Variants in HIP1 observed in about 807,000 individuals in gnomAD.
HIP1 encodes huntingtin-interacting protein 1.
In HIP1, 65 loss-of-function variants were observed where a neutral mutation model predicts 147.6. That is an observed-to-expected ratio of 0.44 (90% CI 0.36 to 0.54). The LOEUF (loss-of-function observed/expected upper bound fraction) is 0.54, where lower values mean the gene tolerates loss of function less well. Among genes scored for constraint, HIP1 ranks in the 20% least tolerant of loss-of-function variants. HIP1 has a pLI of 0.00. For synonymous variants in HIP1, 479 were observed against 504.0 expected (o/e 0.95, Z 0.67); for missense variants, 1,061 against 1,299.6 (o/e 0.82, Z 2.82).
chr7:75,564,032 C>T (rs1795322346), intron 9 of HIP1, among the ~76,000 whole-genome samples: 1 of 152,066 alleles, frequency 6.6e-6, no homozygotes, highest in South Asian at 2.1e-4. Flanking sequence ...GCTAGAATTA[C>T]AGGGATGCAC....
At chr7:75,572,810 G>A (rs1465603277) in intron 8 of HIP1, among the ~76,000 whole-genome samples, 1 of 152,128 alleles carries the variant, frequency 6.6e-6, no homozygotes, top group Non-Finnish European at 1.5e-5. Context: ...CCACTCCATG[G>A]AGTGGGTGGC....
intron 1 of HIP1, among the ~76,000 whole-genome samples, chr7:75,718,597 C>T (rs1801393403): frequency 6.6e-6 from 1 of 152,182 alleles, no homozygotes; most frequent in Admixed American, 6.5e-5. Flanking sequence ...GACTTGGAGC[C>T]AACGTTCTTC....
Position 75,534,807 on chromosome 7 carries a change from T to G in HIP1, c.*3365A>C, listed in dbSNP as rs587678659. The G allele has an allele frequency of 5.0e-6, 1 of 198,580 alleles. No individual in the cohort carries two copies. The highest frequency in any genetic ancestry group is 1.9e-4 in the South Asian group (1 of 5,240). The allele number at this position is 198,580 out of a possible 1,614,324, so 12.3% of individuals were successfully genotyped here. A position where few individuals can be genotyped will look rare whatever the true frequency, so the allele number is the denominator to read the frequency against. On this transcript the variant is annotated 3_prime_UTR_variant, in exon 31 of 31. Coordinates refer to ENST00000336926, the MANE Select transcript of HIP1 (RefSeq NM_005338.7). The stretch of plus-strand genomic sequence containing the variant: ...CTGTCTTACAAACTTAAGTAACAGA[T>G]GCAGCTGTTTTTTAACTTCTTGTCG...
At chr7:75,642,833 A>G (rs188653688) in intron 1 of HIP1, among the ~76,000 whole-genome samples, 6 of 152,250 alleles carry the variant, frequency 3.9e-5, no homozygotes, top group Admixed American at 3.3e-4. Context: ...TTTCCCTAGG[A>G]TGGGAGGGTC....
intron 1 of HIP1, among the ~76,000 whole-genome samples, chr7:75,688,921 C>A (rs968543582): frequency 2.6e-5 from 4 of 152,178 alleles, no homozygotes; most frequent in African/African-American, 9.6e-5. Flanking sequence ...GGCTCAGGTC[C>A]ACCCTGCAGC....
At chr7:75,631,946 T>G (rs1376705498) in intron 1 of HIP1, among the ~76,000 whole-genome samples, 2 of 151,620 alleles carry the variant, frequency 1.3e-5, no homozygotes, top group Non-Finnish European at 2.9e-5. Flanking sequence ...GGAGAGATAG[T>G]GTGATGGGGG....
chr7:75,669,116 A>G (rs1315931235), intron 1 of HIP1, among the ~76,000 whole-genome samples: 2 of 152,180 alleles, frequency 1.3e-5, no homozygotes, highest in African/African-American at 4.8e-5. Context: ...CTGTAATCCC[A>G]GCACTTTGGG....
intron 29 of HIP1, among the ~76,000 whole-genome samples, chr7:75,541,208 A>G (rs1475465076): frequency 6.6e-6 from 1 of 152,152 alleles, no homozygotes; most frequent in Non-Finnish European, 1.5e-5. Context: ...CAGCCTGGCC[A>G]GCATGGTGAA....
At chr7:75,584,573 C>A (rs587712025) in intron 5 of HIP1, among the ~76,000 whole-genome samples, 1 of 152,096 alleles carries the variant, frequency 6.6e-6, no homozygotes, top group Non-Finnish European at 1.5e-5. Flanking sequence ...CCCACGTGAC[C>A]ATTCCCTTCT....
At chr7:75,688,117 TCTC>T (rs1423836442) in intron 1 of HIP1, among the ~76,000 whole-genome samples, 1 of 152,092 alleles carries the variant, frequency 6.6e-6, no homozygotes, top group Non-Finnish European at 1.5e-5. Context: ...TAGGAGTCTC[TCTC>T]CTCCACTAAA....
At chr7:75,572,519 C>T (rs781838310) in intron 8 of HIP1, among the ~76,000 whole-genome samples, 1 of 152,172 alleles carries the variant, frequency 6.6e-6, no homozygotes, top group Non-Finnish European at 1.5e-5. Flanking sequence ...GTGACGTGCT[C>T]AAGCTAGAGG....
rs112336408 is a variant in HIP1 at position 75,599,263 on chromosome 7, G to A, written c.121-16C>T. ...TGCTGACAGTCTGAAAAACAAGAAG[G>A]GGGGAGGGAAAGGAGGATGAGATGA... On this transcript the variant is annotated splice_polypyrimidine_tract_variant and intron_variant, in intron 1 of 30. Transcript: ENST00000336926. 62 of 1,600,654 alleles carry A rather than the reference G, an allele frequency of 3.9e-5. No individual in the cohort carries two copies. Among genetic ancestry groups the A allele is most frequent in the Admixed American group, 1.5e-4 (9 of 59,968 alleles).
At chr7:75,565,224 T>G (rs1465231554) in intron 9 of HIP1, among the ~76,000 whole-genome samples, 2 of 152,102 alleles carry the variant, frequency 1.3e-5, no homozygotes, top group African/African-American at 4.8e-5. Flanking sequence ...TCAAGGACAG[T>G]GAGGTCTCAG....
chr7:75,715,376 A>G (rs1391146704), intron 1 of HIP1, among the ~76,000 whole-genome samples: 1 of 148,998 alleles, frequency 6.7e-6, no homozygotes, highest in Non-Finnish European at 1.5e-5. Flanking sequence ...GGGTGACAGA[A>G]TGAGACCCTG....
chr7:75,700,709 CT>C (rs879958028), intron 1 of HIP1, among the ~76,000 whole-genome samples: 229 of 144,448 alleles, frequency 1.6e-3, no homozygotes, highest in Non-Finnish European at 1.6e-3. Context: ...CAGGTGAACA[CT>C]TTTTTTTTTT....
chr7:75,547,104 C>T lies in HIP1; in HGVS notation c.2466-72G>A, dbSNP rs587753766. ...TCAATGAACACGACGGTTCTCTTCC[C>T]CACTCCTAGCCAAAGGCAAGCTTGG... On this transcript the variant is annotated intron_variant, in intron 24 of 30. Coordinates refer to ENST00000336926, the MANE Select transcript of HIP1 (RefSeq NM_005338.7). 6 of 1,251,858 alleles carry T rather than the reference C, an allele frequency of 4.8e-6. No homozygotes were observed. The South Asian group carries it at 7.7e-5, about 16-fold the overall frequency. 77.5% of individuals were successfully genotyped at this position (1,251,858 alleles called of 1,614,324 possible).
chr7:75,558,110 G>T, intron 15 of HIP1, 57 bp downstream of exon 15: 1 of 1,430,562 alleles, frequency 7.0e-7, no homozygotes, highest in Non-Finnish European at 9.9e-7. Flanking sequence ...GGCCTGAGCC[G>T]CTCTCTCCCT....
At chr7:75,541,530 C>CAA (rs200417654) in intron 29 of HIP1, among the ~76,000 whole-genome samples, 9 of 117,952 alleles carry the variant, frequency 7.6e-5, no homozygotes, top group Non-Finnish European at 1.1e-4. Flanking sequence ...GACTCCGTCT[C>CAA]AAAAAAAAAA....
At chr7:75,669,208 A>T (rs1799658833) in intron 1 of HIP1, among the ~76,000 whole-genome samples, 1 of 152,026 alleles carries the variant, frequency 6.6e-6, no homozygotes, top group South Asian at 2.1e-4. Context: ...TACTAAAAAA[A>T]AAAAAATACA....
Sources: gnomAD v4.1 joint callset for allele counts (sites outside exome capture counted in the v4.1 genomes callset) on GRCh38, gnomAD v4.1.1 for gene constraint, MANE v1.5 for transcripts, NCBI Gene and HGNC (gene_info 2026-07-23, HGNC 2026-07-21) for gene names.